The following PDCD6 variants were observed in gnomAD, a reference collection of about 807,000 sequenced individuals.
The protein encoded by PDCD6 is programmed cell death protein 6.
In PDCD6, 12 loss-of-function variants were observed where a neutral mutation model predicts 28.3. The ratio of observed to expected loss-of-function variants is 0.42; its 90% confidence interval spans 0.27 to 0.69. The LOEUF is 0.69. Among genes scored for constraint, PDCD6 ranks in the 30% least tolerant of loss-of-function variants. The probability of loss-of-function intolerance (pLI) is 0.22; values close to 1 mark genes in which losing one functional copy is unlikely to be tolerated. For missense variants in PDCD6, 226 were observed against 269.9 expected (o/e 0.84, Z 1.14); for synonymous variants, 92 against 108.0 (o/e 0.85, Z 0.92).
At chr5:298,733 T>C (rs1739786504) in intron 2 of PDCD6, among the ~76,000 whole-genome samples, 1 of 71,966 alleles carries the variant, frequency 1.4e-5, no homozygotes, top group Non-Finnish European at 2.8e-5. Context: ...CCCACCCAGC[T>C]GCTCCCCCCA....
In PDCD6 at chr5:307,981, C is replaced by T. The variant is rs1160007066; in HGVS notation, c.367+1221C>T. Among the ~76,000 whole-genome samples the T allele has an allele frequency of 6.6e-6, 1 of 152,142 alleles. No homozygotes were observed. The highest frequency in any genetic ancestry group is 1.5e-5 in the Non-Finnish European group (1 of 68,032). ...AATTGGTACTTGGAATGCAGCTGAC[C>T]TTGCTGTGCCCTTGGGTGGGGGAAC... On this transcript the variant is annotated intron_variant, in intron 4 of 5. Coordinates refer to ENST00000264933, the MANE Select transcript of PDCD6 (RefSeq NM_013232.4). The surrounding 1 kb of genome is among the most constrained non-coding windows in gnomAD (Gnocchi z 6.1).
At chr5:313,981 AC>A (rs1741102523) in intron 5 of PDCD6, 1 of 168,098 alleles carries the variant, frequency 5.9e-6, no homozygotes, top group Non-Finnish European at 1.3e-5. Context: ...GGCTGGAGGA[AC>A]CTGAAGCCCT....
intron 2 of PDCD6, chr5:273,127 G>T (rs1277955916): frequency 3.8e-6 from 1 of 262,454 alleles, no homozygotes; most frequent in East Asian, 7.7e-5. Context: ...CTGCATCTTG[G>T]TGACTTCTCT....
At chr5:276,055 T>G (rs1738175898) in intron 2 of PDCD6, 2 of 1,207,606 alleles carry the variant, frequency 1.7e-6, no homozygotes, top group South Asian at 2.5e-5. Flanking sequence ...CTTGGCAACA[T>G]TGTGAGACCC....
At position 272,763 on chromosome 5, in the gene PDCD6, C is replaced by G; in HGVS notation, c.154C>G (p.Leu52Val). 6 of 1,586,726 alleles carry G rather than the reference C, an allele frequency of 3.8e-6. 2 individuals carry two copies. Among genetic ancestry groups the G allele is most frequent in the Non-Finnish European group, 5.1e-6 (6 of 1,172,702 alleles). The change falls in exon 2 of 6, where the codon CTC becomes GTC. Residue 52 changes from leucine (L) to valine (V), a missense_variant. Coordinates refer to ENST00000264933, the MANE Select transcript of PDCD6 (RefSeq NM_013232.4). ...ATCAGACACCGAGCTTCAGCAAGCT[C>G]TCTCCAACGGTGAGTGGGCCAGTGG... ...VISDTELQQALSNGTWTPFNP... is the reference protein window; with the variant it reads ...VISDTELQQAVSNGTWTPFNP...
chr5:296,788 C>G (rs1253194238), intron 2 of PDCD6, among the ~76,000 whole-genome samples: 1 of 152,072 alleles, frequency 6.6e-6, no homozygotes, highest in Admixed American at 6.5e-5. Context: ...GGGGGCCCGT[C>G]GAGGCCCCTC....
intron 2 of PDCD6, among the ~76,000 whole-genome samples, chr5:288,481 G>T (rs1426436940): frequency 6.6e-6 from 1 of 151,052 alleles, no homozygotes; most frequent in Non-Finnish European, 1.5e-5. Flanking sequence ...TCTTTCATAT[G>T]TATAAACTAA....
At chr5:278,037 C>T (rs367830212) in intron 2 of PDCD6, among the ~76,000 whole-genome samples, 11 of 152,120 alleles carry the variant, frequency 7.2e-5, no homozygotes, top group African/African-American at 4.8e-5. Flanking sequence ...GCTCAGGTTC[C>T]GCCTAAGCCT....
chr5:291,242 T>A lies in PDCD6; in HGVS notation c.164-12935T>A, dbSNP rs1739294124. ...GTTTTTGAACTTTCTGTTTTCTTTT[T>A]GAGGCAGGGTCTTGCTCTGTTGCCT... On this transcript the variant is annotated intron_variant, in intron 2 of 5. Coordinates refer to ENST00000264933, the MANE Select transcript of PDCD6 (RefSeq NM_013232.4). 2.0e-5 allele frequency among the ~76,000 whole-genome samples: 3 copies of A among 152,180 alleles called. No individual in the cohort carries two copies. The South Asian group carries it at 6.2e-4, about 32-fold the overall frequency.
At chr5:291,950 TC>T (rs1360825170) in intron 2 of PDCD6, among the ~76,000 whole-genome samples, 2 of 152,196 alleles carry the variant, frequency 1.3e-5, no homozygotes, top group Non-Finnish European at 2.9e-5. Context: ...AATGTAACTT[TC>T]CTCATAACCC....
intron 2 of PDCD6, among the ~76,000 whole-genome samples, chr5:303,571 A>G (rs6896163): frequency 0.18 from 27,046 of 151,330 alleles, 5,466 homozygotes; most frequent in African/African-American, 0.5. Flanking sequence ...AAGGAAAATC[A>G]TATAAAGCCC....
chr5:280,200 C>G (rs147420961), intron 2 of PDCD6, among the ~76,000 whole-genome samples: 1,885 of 152,076 alleles, frequency 0.012, 43 homozygotes, highest in African/African-American at 0.043. Context: ...GATGCAGAGC[C>G]CGGGAAAGGC....
At chr5:308,732 G>A (rs1490023197) in intron 4 of PDCD6, 1 of 152,202 alleles carries the variant, frequency 6.6e-6, no homozygotes, top group Non-Finnish European at 1.5e-5. Flanking sequence ...ACTGGAGCTT[G>A]GTGGCCAGCA....
At chr5:306,850 T>C in intron 4 of PDCD6, 90 bp downstream of exon 4, 3 of 1,313,308 alleles carry the variant, frequency 2.3e-6, no homozygotes, top group South Asian at 2.4e-5. Context: ...ACTTAACTGA[T>C]TGTCTAACCA....
At chr5:287,733 G>A (rs1358700121) in intron 2 of PDCD6, among the ~76,000 whole-genome samples, 1 of 152,026 alleles carries the variant, frequency 6.6e-6, no homozygotes, top group African/African-American at 2.4e-5. Flanking sequence ...AAATTATGGT[G>A]GTTTCTATGC....
chr5:309,523 C>T (rs1740754068), intron 4 of PDCD6: 1 of 232,148 alleles, frequency 4.3e-6, no homozygotes, highest in South Asian at 4.2e-5. Flanking sequence ...TCAGCATCTC[C>T]TCTGTCCTTC....
intron 2 of PDCD6, among the ~76,000 whole-genome samples, chr5:277,159 T>C (rs1467421311): frequency 6.6e-6 from 1 of 152,200 alleles, no homozygotes; most frequent in African/African-American, 2.4e-5. Context: ...AGAGGCTTGC[T>C]CTATCGCCCA....
intron 2 of PDCD6, chr5:288,750 C>A: frequency 1.7e-6 from 1 of 588,704 alleles, no homozygotes. Flanking sequence ...TAAAACTAAA[C>A]GTGGACTTTT....
At chr5:306,863 C>T in intron 4 of PDCD6, 103 bp downstream of exon 4, 1 of 1,219,378 alleles carries the variant, frequency 8.2e-7, no homozygotes, top group Non-Finnish European at 1.2e-6. Context: ...TCTAACCAGG[C>T]TACGTAAAGT....
Sources: allele counts gnomAD v4.1 joint callset (sites outside exome capture counted in the v4.1 genomes callset), GRCh38; gene constraint gnomAD v4.1.1; non-coding constraint Gnocchi (gnomAD v3.1); transcripts MANE v1.5; gene names NCBI Gene and HGNC (gene_info 2026-07-23, HGNC 2026-07-21).